CNBD1: variants seen among roughly 807,000 people sequenced by gnomAD.
The protein encoded by CNBD1 is cyclic nucleotide binding domain containing 1.
CNBD1 carries 71 observed loss-of-function variants against 54.4 expected under a neutral mutation model. The ratio of observed to expected loss-of-function variants is 1.30; its 90% confidence interval spans 1.08 to 1.59. CNBD1 has a LOEUF of 1.59. Ranked by LOEUF, CNBD1 falls within the 40% of genes most tolerant of loss-of-function variation. CNBD1 has a pLI of 0.00. For missense variants in CNBD1, 659 were observed against 518.0 expected (o/e 1.27, Z -2.64); for synonymous variants, 182 against 170.7 (o/e 1.07, Z -0.51).
intron 6 of CNBD1, among the ~76,000 whole-genome samples, chr8:87,268,382 T>C (rs1467196235): frequency 6.6e-6 from 1 of 152,120 alleles, no homozygotes; most frequent in African/African-American, 2.4e-5. Flanking sequence ...TTCCATGTCT[T>C]TGCTATTATG....
intron 8 of CNBD1, among the ~76,000 whole-genome samples, chr8:87,344,435 A>C (rs1724006710): frequency 6.6e-6 from 1 of 152,124 alleles, no homozygotes; most frequent in South Asian, 2.1e-4. Flanking sequence ...TTGTTTCAAA[A>C]AATAATTTTT....
rs533945816 is a variant in CNBD1 at position 87,428,513 on chromosome 8, A to T, written c.214-33A>T. On this transcript the variant is annotated intron_variant, in intron 2 of 7. Transcript: ENST00000521593. The stretch of plus-strand genomic sequence containing the variant: ...TTTTTATGAAGATTATTTTTTTATG[A>T]TATTCTAAGTGTTTTCTTCTGTTTT... 1.2e-3 allele frequency: 478 copies of T among 410,626 alleles called. 2 individuals are homozygous for T. Among genetic ancestry groups the T allele is most frequent in the African/African-American group, 9.4e-3 (447 of 47,368 alleles). 25.4% of individuals were successfully genotyped at this position (410,626 alleles called of 1,614,324 possible). A position where few individuals can be genotyped will look rare whatever the true frequency, so the allele number is the denominator to read the frequency against.
At position 87,286,618 on chromosome 8, in the gene CNBD1, C is replaced by G; in HGVS notation, c.989C>G (p.Ser330Cys). 1 of 1,525,690 alleles carries G rather than the reference C, an allele frequency of 6.6e-7. No individual in the cohort carries two copies. Among genetic ancestry groups the G allele is most frequent in the South Asian group, 1.2e-5 (1 of 83,558 alleles). 94.5% of individuals were successfully genotyped at this position (1,525,690 alleles called of 1,614,324 possible). The change falls in exon 8 of 11, where the codon TCC becomes TGC. Residue 330 changes from serine (S) to cysteine (C), a missense_variant. Transcript: ENST00000518476. Reference protein sequence around the residue: ...CPYYEEWPTLSIYELIALLKW... With the variant: ...CPYYEEWPTLCIYELIALLKW... ...TATTATGAGGAATGGCCTACTTTAT[C>G]CATATATGAGCTAATTGCACTCCTT...
chr8:87,144,406 T>C (rs1291408769), intron 4 of CNBD1, among the ~76,000 whole-genome samples: 1 of 152,178 alleles, frequency 6.6e-6, no homozygotes, highest in Non-Finnish European at 1.5e-5. Context: ...TGACTTCAGA[T>C]ATTGGAATGA....
At chr8:86,956,146 T>G (rs1324716760) in intron 4 of CNBD1, among the ~76,000 whole-genome samples, 1 of 152,098 alleles carries the variant, frequency 6.6e-6, no homozygotes, top group Admixed American at 6.5e-5. Context: ...GTTGTAGATA[T>G]GCGGAGTTAT....
intron 4 of CNBD1, among the ~76,000 whole-genome samples, chr8:87,105,473 T>TTC (rs1811514346): frequency 6.6e-6 from 1 of 152,232 alleles, no homozygotes; most frequent in Non-Finnish European, 1.5e-5. Flanking sequence ...TTGTCCAAGC[T>TTC]TTGTGGCACT....
At chr8:87,314,738 G>T (rs1333122663) in intron 8 of CNBD1, among the ~76,000 whole-genome samples, 1 of 151,832 alleles carries the variant, frequency 6.6e-6, no homozygotes, top group African/African-American at 2.4e-5. Context: ...TTTTATAATA[G>T]CTCTTTGTCA....
intron 4 of CNBD1, among the ~76,000 whole-genome samples, chr8:87,201,826 A>G (rs1188954576): frequency 6.6e-6 from 1 of 152,104 alleles, no homozygotes; most frequent in Non-Finnish European, 1.5e-5. Flanking sequence ...CAGTGACACA[A>G]TCTTGGCTCA....
At chr8:86,883,123 T>C (rs1808628382) in intron 1 of CNBD1, among the ~76,000 whole-genome samples, 1 of 152,078 alleles carries the variant, frequency 6.6e-6, no homozygotes, top group South Asian at 2.1e-4. Context: ...ACCACCATGA[T>C]ACACGTTTAC....
intron 2 of CNBD1, among the ~76,000 whole-genome samples, chr8:86,899,253 G>A (rs1808896047): frequency 6.6e-6 from 1 of 151,968 alleles, no homozygotes; most frequent in African/African-American, 2.4e-5. Flanking sequence ...TCTAATATAC[G>A]ATATGAGGAT....
intron 1 of CNBD1, among the ~76,000 whole-genome samples, chr8:86,876,183 TTGTGTG>T (rs60866236): frequency 0.014 from 2,051 of 150,422 alleles, 42 homozygotes; most frequent in African/African-American, 0.045. Context: ...GTGTGTGTGT[TTGTGTG>T]TGTGTGTGTG....
At chr8:87,042,502 T>C (rs1232754240) in intron 4 of CNBD1, among the ~76,000 whole-genome samples, 1 of 152,154 alleles carries the variant, frequency 6.6e-6, no homozygotes, top group Non-Finnish European at 1.5e-5. Flanking sequence ...ATAATTATAT[T>C]TGGAAAGATG....
At chr8:86,937,651 C>T (rs1266702701) in intron 3 of CNBD1, among the ~76,000 whole-genome samples, 1 of 152,102 alleles carries the variant, frequency 6.6e-6, no homozygotes. Flanking sequence ...TACGTTGGCC[C>T]CTTTTGGCCA....
At chr8:87,390,420 AG>A (rs1171633382) in intron 2 of CNBD1, among the ~76,000 whole-genome samples, 4 of 152,280 alleles carry the variant, frequency 2.6e-5, no homozygotes, top group Non-Finnish European at 5.9e-5. Flanking sequence ...CCCATCAAAA[AG>A]TGGGTGAAGG....
intron 8 of CNBD1, among the ~76,000 whole-genome samples, chr8:87,314,385 G>T (rs190753278): frequency 2.6e-5 from 4 of 151,530 alleles, no homozygotes; most frequent in Non-Finnish European, 5.9e-5. Flanking sequence ...TATCTTTATG[G>T]CAGCTAAAAA....
At chr8:87,177,080 G>C (rs1449110356) in intron 4 of CNBD1, among the ~76,000 whole-genome samples, 1 of 152,070 alleles carries the variant, frequency 6.6e-6, no homozygotes, top group Non-Finnish European at 1.5e-5. Flanking sequence ...AATGTACAGA[G>C]TTGTTACTAA....
intron 6 of CNBD1, among the ~76,000 whole-genome samples, chr8:87,277,098 A>G (rs1808498791): frequency 6.6e-6 from 1 of 151,608 alleles, no homozygotes; most frequent in Non-Finnish European, 1.5e-5. Flanking sequence ...ACATATTCAT[A>G]TATGTATATG....
At chr8:86,906,328 C>T (rs1259232876) in intron 3 of CNBD1, among the ~76,000 whole-genome samples, 2 of 152,096 alleles carry the variant, frequency 1.3e-5, no homozygotes, top group African/African-American at 4.8e-5. Context: ...GTAAAACATA[C>T]CATATTAGTT....
intron 1 of CNBD1, among the ~76,000 whole-genome samples, chr8:86,872,698 TG>T (rs1808458850): frequency 1.3e-5 from 2 of 152,312 alleles, no homozygotes; most frequent in South Asian, 4.1e-4. Context: ...GACTTTTTTT[TG>T]TTGGCCATTC....
Sources: gnomAD v4.1 joint callset for allele counts (sites outside exome capture counted in the v4.1 genomes callset) on GRCh38, gnomAD v4.1.1 for gene constraint, MANE v1.5 for transcripts, NCBI Gene and HGNC (gene_info 2026-07-23, HGNC 2026-07-21) for gene names.